The following RAB7A variants were observed in gnomAD, a reference collection of about 807,000 sequenced individuals.
RAB7A encodes the protein ras-related protein Rab-7a.
In RAB7A, 2 loss-of-function variants were observed where a neutral mutation model predicts 24.5. The ratio of observed to expected loss-of-function variants is 0.08; its 90% CI spans 0.03 to 0.26. The LOEUF (loss-of-function observed/expected upper bound fraction) is 0.26, where lower values mean the gene tolerates loss of function less well. Ranked by LOEUF, RAB7A falls within the 10% of genes least tolerant of loss-of-function variation. RAB7A has a pLI of 1.00. For synonymous variants in RAB7A, 100 were observed against 95.9 expected (o/e 1.04, Z -0.25); for missense variants, 118 against 255.7 (o/e 0.46, Z 3.67).
chr3:128,776,151 G>A (rs941477367), intron 1 of RAB7A, among the ~76,000 whole-genome samples: 1 of 152,050 alleles, frequency 6.6e-6, no homozygotes, highest in Non-Finnish European at 1.5e-5. Flanking sequence ...TGTCTTTCCT[G>A]TGCCAGGCTT....
At chr3:128,750,472 G>A (rs2070665582) in intron 1 of RAB7A, among the ~76,000 whole-genome samples, 1 of 152,218 alleles carries the variant, frequency 6.6e-6, no homozygotes, top group Admixed American at 6.5e-5. Context: ...ATGTTGGCCA[G>A]GCTGGTCTCG....
chr3:128,793,091 T>C (rs1933493516), intron 1 of RAB7A, among the ~76,000 whole-genome samples: 1 of 151,884 alleles, frequency 6.6e-6, no homozygotes, highest in Non-Finnish European at 1.5e-5. Context: ...TGGCGCAATC[T>C]CGGCTCACTG....
intron 1 of RAB7A, among the ~76,000 whole-genome samples, chr3:128,739,914 A>G (rs916692795): frequency 6.6e-6 from 1 of 152,190 alleles, no homozygotes; most frequent in South Asian, 2.1e-4. Flanking sequence ...TAAAAATACA[A>G]AATTAGCCGG....
intron 1 of RAB7A, among the ~76,000 whole-genome samples, chr3:128,765,362 C>G (rs970335170): frequency 6.6e-6 from 1 of 152,146 alleles, no homozygotes; most frequent in African/African-American, 2.4e-5. Flanking sequence ...TCACACTTAC[C>G]CATACTCTTA....
At chr3:128,790,166 A>G (rs759498888) in intron 1 of RAB7A, among the ~76,000 whole-genome samples, 5 of 152,112 alleles carry the variant, frequency 3.3e-5, no homozygotes, top group Non-Finnish European at 7.4e-5. Context: ...ATACCTTTTA[A>G]CTTTTGCCAG....
At chr3:128,774,080 A>G (rs1010799674) in intron 1 of RAB7A, among the ~76,000 whole-genome samples, 2 of 44,530 alleles carry the variant, frequency 4.5e-5, no homozygotes, top group Non-Finnish European at 2.2e-4. Context: ...TGATCAATTA[A>G]AAAAAAAAAA....
chr3:128,743,168 C>G (rs1644235713), intron 1 of RAB7A, among the ~76,000 whole-genome samples: 1 of 152,234 alleles, frequency 6.6e-6, no homozygotes, highest in African/African-American at 2.4e-5. Context: ...GGCCTGGGTG[C>G]TAAGCCCCTC....
chr3:128,807,619 C>T lies in RAB7A; in HGVS notation c.476C>T (p.Ala159Val). ...IPYFETSAKE[A>V]INVEQAFQTI... ...TACTTTGAGACCAGTGCCAAGGAGG[C>T]CATCAACGTGGAGCAGGCGTTCCAG... is the stretch of plus-strand genomic sequence containing the variant. The change falls in exon 5 of 6, where the codon GCC becomes GTC. Residue 159 changes from alanine (A) to valine (V), a missense_variant. Physicochemically the swap from Ala to Val is moderately conservative, Grantham distance 64. Coordinates refer to ENST00000265062, the MANE Select transcript of RAB7A (RefSeq NM_004637.6). The T allele has an allele frequency of 4.3e-6, 7 of 1,614,212 alleles. No individual in the cohort carries two copies. Among genetic ancestry groups the T allele is most frequent in the Non-Finnish European group, 5.9e-6 (7 of 1,180,026 alleles).
rs56027163 is a variant in RAB7A at position 128,737,825 on chromosome 3, G to GTTTTTTTTTTTTT, written c.-9+11486_-9+11498dup. On this transcript the variant is annotated intron_variant, in intron 1 of 5. Transcript: ENST00000265062. ...CACCACATCTGGCTATTTTTTTGTA[G>GTTTTTTTTTTTTT]TTTTTTTTTTTTTTTTTTTTTTTTT... Among the ~76,000 whole-genome samples the GTTTTTTTTTTTTT allele has an allele frequency of 8.4e-5, 5 of 59,492 alleles. 1 individual carries two copies. Among genetic ancestry groups the GTTTTTTTTTTTTT allele is most frequent in the Non-Finnish European group, 1.2e-4 (4 of 33,404 alleles). 39.0% of individuals were successfully genotyped at this position (59,492 alleles called of 152,430 possible). A position where few individuals can be genotyped will look rare whatever the true frequency, so the allele number is the denominator to read the frequency against.
rs1576272858 is a variant in RAB7A at position 128,744,965 on chromosome 3, C to G, written c.-9+18606C>G. On this transcript the variant is annotated intron_variant, in intron 1 of 5. Coordinates refer to ENST00000265062, the MANE Select transcript of RAB7A (RefSeq NM_004637.6). Reference sequence around the variant, plus strand: ...CTCGGCTCACTGCAAGCTCTGCCTCCTGGGTTCACACCATTCTCCTGCCTC... The same window carrying G: ...CTCGGCTCACTGCAAGCTCTGCCTCGTGGGTTCACACCATTCTCCTGCCTC... 2.0e-5 allele frequency among the ~76,000 whole-genome samples: 3 copies of G among 151,466 alleles called. No homozygotes were observed. The East Asian group carries it at 5.8e-4, about 29-fold the overall frequency.
intron 1 of RAB7A, among the ~76,000 whole-genome samples, chr3:128,730,430 G>A (rs951819610): frequency 6.6e-6 from 1 of 151,974 alleles, no homozygotes; most frequent in African/African-American, 2.4e-5. Flanking sequence ...GGGTTTCACC[G>A]TGTTAGCCAG....
intron 1 of RAB7A, among the ~76,000 whole-genome samples, chr3:128,759,135 G>T (rs2070756388): frequency 6.6e-6 from 1 of 152,190 alleles, no homozygotes; most frequent in Non-Finnish European, 1.5e-5. Flanking sequence ...CTCTGGCCAT[G>T]AAATATGGTT....
At chr3:128,775,115 A>G (rs1430600469) in intron 1 of RAB7A, among the ~76,000 whole-genome samples, 1 of 152,142 alleles carries the variant, frequency 6.6e-6, no homozygotes, top group Non-Finnish European at 1.5e-5. Context: ...TCTTAAATGT[A>G]TGAGGAGTGG....
chr3:128,730,166 CTTCTA>C (rs1384123199), intron 1 of RAB7A, among the ~76,000 whole-genome samples: 4 of 151,894 alleles, frequency 2.6e-5, no homozygotes, highest in Non-Finnish European at 2.9e-5. Context: ...GCTCTTAAAT[CTTCTA>C]TTCTGTTTTT....
chr3:128,764,816 C>T lies in RAB7A; in HGVS notation c.-8-30544C>T, dbSNP rs544359253. 92 of 934,306 alleles carry T rather than the reference C, an allele frequency of 9.8e-5. 1 individual carries two copies. The highest frequency in any genetic ancestry group is 6.8e-4 in the South Asian group (53 of 77,820). 57.9% of individuals were successfully genotyped at this position (934,306 alleles called of 1,614,324 possible). A position where few individuals can be genotyped will look rare whatever the true frequency, so the allele number is the denominator to read the frequency against. ...TAGTTTTGCAGCTTCATCAGTTTCT[C>T]GGCATGTTCCCTCTCCTCATGAGAT... On this transcript the variant is annotated intron_variant, in intron 1 of 5. Coordinates refer to ENST00000265062, the MANE Select transcript of RAB7A (RefSeq NM_004637.6).
At chr3:128,803,258 A>G (rs1933736471) in intron 3 of RAB7A, among the ~76,000 whole-genome samples, 1 of 152,244 alleles carries the variant, frequency 6.6e-6, no homozygotes, top group African/African-American at 2.4e-5. Flanking sequence ...ATTTGAAAAT[A>G]CAGAAAGTAC....
chr3:128,789,134 T>A (rs1251416494), intron 1 of RAB7A, among the ~76,000 whole-genome samples: 2 of 152,128 alleles, frequency 1.3e-5, no homozygotes, highest in African/African-American at 4.8e-5. Context: ...TTCTAGAAAA[T>A]TTTTAGAGGA....
intron 1 of RAB7A, 187 bp from the exon 2 acceptor site, chr3:128,795,173 G>C (rs754623626): frequency 2.3e-5 from 15 of 648,330 alleles, no homozygotes; most frequent in Non-Finnish European, 3.7e-5. Context: ...GTTCTGCCTC[G>C]CTCTTGGGTC....
chr3:128,764,685 C>G (rs1262366358), intron 1 of RAB7A: 1 of 842,496 alleles, frequency 1.2e-6, no homozygotes, highest in South Asian at 1.3e-5. Flanking sequence ...GTGACTGATT[C>G]ACATTTTTTT....
Sources: gnomAD v4.1 joint callset for allele counts (sites outside exome capture counted in the v4.1 genomes callset) on GRCh38, gnomAD v4.1.1 for gene constraint, MANE v1.5 for transcripts, NCBI Gene and HGNC (gene_info 2026-07-23, HGNC 2026-07-21) for gene names.